Variants in FANCM observed in about 807,000 individuals in gnomAD.
FANCM encodes FA complementation group M.
In FANCM, 140 loss-of-function variants were observed where a neutral mutation model predicts 199.5. That is an observed-to-expected ratio of 0.70 (90% CI 0.61 to 0.81). The LOEUF is 0.81. Among genes scored for constraint, FANCM ranks in the 30% least tolerant of loss-of-function variants. The pLI, the probability that FANCM is intolerant of heterozygous loss-of-function variation, is 0.00. For synonymous variants in FANCM, 840 were observed against 836.8 expected (o/e 1.00, Z -0.07); for missense variants, 2,410 against 2,421.4 (o/e 1.00, Z 0.10).
In FANCM at chr14:45,176,595, A is replaced by G. The variant is rs1888719054; in HGVS notation, c.3841A>G (p.Ile1281Val). ...AAATTATGTTTCGAATCAAGCACTA[A>G]TACCAAGAGATCATAGTAAAAATTT... ...DANYVSNQAL[I>V]PRDHSKNFTS... Residue 1281 changes from isoleucine to valine, a missense_variant, in exon 14 of 23, where the codon ATA (isoleucine) becomes GTA (valine). Transcript: ENST00000267430. The G allele has an allele frequency of 6.2e-7, 1 of 1,609,396 alleles. No individual in the cohort carries two copies. The highest frequency in any genetic ancestry group is 1.1e-5 in the South Asian group (1 of 89,966).
intron 3 of FANCM, among the ~76,000 whole-genome samples, chr14:45,141,403 T>C (rs1283591789): frequency 1.3e-5 from 2 of 151,812 alleles, no homozygotes; most frequent in Non-Finnish European, 1.5e-5. Flanking sequence ...TTTATCTAGT[T>C]TAACATGAGA....
In FANCM at chr14:45,153,941, G is replaced by A. The variant is rs746643140; in HGVS notation, c.1072G>A (p.Glu358Lys). 2.0e-5 allele frequency: 32 copies of A among 1,608,944 alleles called. No homozygotes were observed. Among genetic ancestry groups the A allele is most frequent in the Non-Finnish European group, 2.5e-5 (29 of 1,175,520 alleles). The change falls in exon 6 of 23, where the codon GAG (glutamate) becomes AAG (lysine). Residue 358 changes from glutamate (E) to lysine (K), a missense_variant. By Grantham distance (56) the Glu-to-Lys change is moderately conservative (BLOSUM62 1). Transcript: ENST00000267430. ...CTAGGGAATACAACAAGGCATAATC[G>A]AGGGAGAGTTTGCTATTTGTATTAG... Reference protein sequence around the residue: ...NIVGIQQGIIEGEFAICISLY... With the variant: ...NIVGIQQGIIKGEFAICISLY...
At chr14:45,193,014 T>C (rs1258660284) in intron 20 of FANCM, among the ~76,000 whole-genome samples, 1 of 152,148 alleles carries the variant, frequency 6.6e-6, no homozygotes, top group African/African-American at 2.4e-5. Flanking sequence ...GAAAAATGCT[T>C]TTTCCTAGTA....
At chr14:45,137,415 A>C in intron 2 of FANCM, 174 bp downstream of exon 2, 1 of 622,290 alleles carries the variant, frequency 1.6e-6, no homozygotes, top group Non-Finnish European at 2.8e-6. Context: ...CATCCATTCA[A>C]ATCAGTGTCT....
chr14:45,153,900 G>T lies in FANCM; in HGVS notation c.1051-20G>T. The T allele has an allele frequency of 6.2e-7, 1 of 1,604,306 alleles. No individual in the cohort carries two copies. Among genetic ancestry groups the T allele is most frequent in the South Asian group, 1.1e-5 (1 of 90,874 alleles). On this transcript the variant is annotated intron_variant, in intron 5 of 22. Coordinates refer to ENST00000267430, the MANE Select transcript of FANCM (RefSeq NM_020937.4). Reference sequence around the variant, plus strand: ...TTCATTTATTTCTCTGGTTAAATTTGACATATGCTGTTTTTCTAGGGAATA... The same window carrying T: ...TTCATTTATTTCTCTGGTTAAATTTTACATATGCTGTTTTTCTAGGGAATA...
At chr14:45,147,779 G>T (rs1262496934) in intron 3 of FANCM, among the ~76,000 whole-genome samples, 1 of 151,918 alleles carries the variant, frequency 6.6e-6, no homozygotes, top group Non-Finnish European at 1.5e-5. Context: ...TGTAGTCCCA[G>T]CTATTCAAGA....
intron 5 of FANCM, among the ~76,000 whole-genome samples, chr14:45,153,575 CA>C (rs1398269658): frequency 6.6e-6 from 1 of 151,996 alleles, no homozygotes; most frequent in African/African-American, 2.4e-5. Flanking sequence ...TTTGAAAGAA[CA>C]AATATATCTA....
At chr14:45,196,642 T>A in intron 21 of FANCM, 95 bp downstream of exon 21, 1 of 1,211,130 alleles carries the variant, frequency 8.3e-7, no homozygotes, top group Non-Finnish European at 1.2e-6. Context: ...GGGAAACTCT[T>A]AAAATATAAA....
intron 3 of FANCM, among the ~76,000 whole-genome samples, chr14:45,145,234 T>C (rs1199091264): frequency 6.6e-6 from 1 of 151,544 alleles, no homozygotes; most frequent in Non-Finnish European, 1.5e-5. Flanking sequence ...TTCCCTCTTT[T>C]TTCCTCAAGC....
intron 11 of FANCM, among the ~76,000 whole-genome samples, chr14:45,169,420 A>G (rs1330474202): frequency 6.9e-6 from 1 of 144,234 alleles, no homozygotes; most frequent in Non-Finnish European, 1.5e-5. Context: ...TATTTTTTAC[A>G]TTTTTAAAAA....
chr14:45,177,111 T>C, intron 14 of FANCM, 135 bp downstream of exon 14: 2 of 623,874 alleles, frequency 3.2e-6, no homozygotes, highest in Non-Finnish European at 5.6e-6. Flanking sequence ...TGATGTGTTA[T>C]ATTTTTCTTA....
intron 11 of FANCM, among the ~76,000 whole-genome samples, chr14:45,168,695 C>G (rs1008253804): frequency 2.0e-5 from 3 of 148,176 alleles, no homozygotes; most frequent in African/African-American, 4.9e-5. Flanking sequence ...TGTATTTATA[C>G]TAATATATAA....
intron 8 of FANCM, among the ~76,000 whole-genome samples, chr14:45,158,745 G>T (rs574161841): frequency 6.6e-6 from 1 of 152,120 alleles, no homozygotes; most frequent in Non-Finnish European, 1.5e-5. Context: ...TTTATTTTAT[G>T]ACAGCCAATG....
At chr14:45,195,596 A>G (rs1174062107) in intron 20 of FANCM, 1 of 454,664 alleles carries the variant, frequency 2.2e-6, no homozygotes, top group East Asian at 7.0e-5. Flanking sequence ...GTATGTTCTG[A>G]CTTAAGTAAC....
In FANCM at chr14:45,183,852, G is replaced by A. The variant is rs183784665; in HGVS notation, c.4465G>A (p.Gly1489Arg). 2.5e-5 allele frequency: 41 copies of A among 1,610,978 alleles called. No homozygotes were observed. The highest frequency in any genetic ancestry group is 1.0e-4 in the Admixed American group (6 of 59,980). The change falls in exon 17 of 23, where the codon GGG (glycine) becomes AGG (arginine). Residue 1489 changes from glycine to arginine, a missense_variant. By Grantham distance (125) the Gly-to-Arg change is moderately radical. Transcript: ENST00000267430. Reference protein sequence around the residue: ...SQLEDFKVCNGNARRGIKVPK... With the variant: ...SQLEDFKVCNRNARRGIKVPK... ...ATTAGAAGACTTCAAGGTTTGTAAC[G>A]GGAATGCCAGAAGAGGCATCAAAGT...
rs748053438 is a variant in FANCM at position 45,176,909 on chromosome 14, A to G, written c.4155A>G (p.Glu1385=). The G allele has an allele frequency of 1.2e-6, 2 of 1,611,714 alleles. No homozygotes were observed. Among genetic ancestry groups the G allele is most frequent in the South Asian group, 1.1e-5 (1 of 90,912 alleles). ...EALNSTFDYS[E]FSLEKSKSSG... Reference sequence around the variant, plus strand: ...TGAATTCAACTTTTGATTATTCAGAATTTTCTCTAGAAAAGTCTAAAAGCA... The same window carrying G: ...TGAATTCAACTTTTGATTATTCAGAGTTTTCTCTAGAAAAGTCTAAAAGCA... Residue 1385 remains glutamate (E), a synonymous_variant, in exon 14 of 23, where the codon GAA becomes GAG. Coordinates refer to ENST00000267430, the MANE Select transcript of FANCM (RefSeq NM_020937.4).
rs150708225 is a variant in FANCM at position 45,190,268 on chromosome 14, A to G, written c.5340+906A>G. Among the ~76,000 whole-genome samples, 747 of 152,310 alleles carry G rather than the reference A, an allele frequency of 4.9e-3. 9 individuals are homozygous for G. Among genetic ancestry groups the G allele is most frequent in the African/African-American group, 0.017 (703 of 41,580 alleles). On this transcript the variant is annotated intron_variant, in intron 20 of 22. Coordinates refer to ENST00000267430, the MANE Select transcript of FANCM (RefSeq NM_020937.4). ...AGAAATAATAATAGGAACTATATAT[A>G]TTGATTCATTATTTGGTTAACTAGG... is the stretch of plus-strand genomic sequence containing the variant.
At position 45,176,268 on chromosome 14, in the gene FANCM, C is replaced by G. The variant is rs774361836; in HGVS notation, c.3514C>G (p.Leu1172Val). The G allele has an allele frequency of 6.2e-7, 1 of 1,614,052 alleles. No individual in the cohort carries two copies. The highest frequency in any genetic ancestry group is 1.1e-5 in the South Asian group (1 of 91,082). Residue 1172 changes from leucine to valine, a missense_variant, in exon 14 of 23, where the codon CTG becomes GTG. Transcript: ENST00000267430. Reference sequence around the variant, plus strand: ...CAAAACTGCTATTAGTGAAACGCCTCTGGTCTCTCAGTTCTTAATTTCTGA... The same window carrying G: ...CAAAACTGCTATTAGTGAAACGCCTGTGGTCTCTCAGTTCTTAATTTCTGA... Reference protein sequence around the residue: ...SDKTAISETPLVSQFLISDEL... With the variant: ...SDKTAISETPVVSQFLISDEL...
chr14:45,156,916 CAAAAA>C (rs535786477), intron 8 of FANCM, among the ~76,000 whole-genome samples: 1 of 47,812 alleles, frequency 2.1e-5, no homozygotes, highest in Admixed American at 2.3e-4. Context: ...GACTCTGTCT[CAAAAA>C]AAAAAAAAAA....
Sources: allele counts gnomAD v4.1 joint callset (sites outside exome capture counted in the v4.1 genomes callset), GRCh38; gene constraint gnomAD v4.1.1; transcripts MANE v1.5; gene names NCBI Gene and HGNC (gene_info 2026-07-23, HGNC 2026-07-21).